The following CFDP1 variants were observed in gnomAD, a reference collection of about 807,000 sequenced individuals.
The protein encoded by CFDP1 is chromatin remodeling protein CFDP1.
In CFDP1, 31 loss-of-function variants were observed where a neutral mutation model predicts 40.1. The observed-to-expected ratio is 0.77, with a 90% CI of 0.58 to 1.04. The LOEUF is 1.04. Among genes scored for constraint, CFDP1 ranks in the 50% least tolerant of loss-of-function variants. The pLI, the probability that CFDP1 is intolerant of heterozygous loss-of-function variation, is 0.00. For missense variants in CFDP1, 423 were observed against 343.4 expected (o/e 1.23, Z -1.83); for synonymous variants, 167 against 120.0 (o/e 1.39, Z -2.56).
intron 6 of CFDP1, among the ~76,000 whole-genome samples, chr16:75,298,792 C>T (rs2151497528): frequency 6.6e-6 from 1 of 152,314 alleles, no homozygotes; most frequent in East Asian, 1.9e-4. Flanking sequence ...CTGCCTTCTT[C>T]CCCTATCACC....
At chr16:75,303,697 A>C (rs2078239214) in intron 6 of CFDP1, among the ~76,000 whole-genome samples, 1 of 152,140 alleles carries the variant, frequency 6.6e-6, no homozygotes. Context: ...ACTTAACGCA[A>C]GCCTTTATGT....
At chr16:75,419,011 C>T (rs906300962) in intron 1 of CFDP1, 1 of 339,970 alleles carries the variant, frequency 2.9e-6, no homozygotes, top group Non-Finnish European at 6.0e-6. Context: ...GGCATGGTGG[C>T]ACGCACCTGT....
At chr16:75,341,248 T>G (rs1460160124) in intron 5 of CFDP1, among the ~76,000 whole-genome samples, 1 of 152,218 alleles carries the variant, frequency 6.6e-6, no homozygotes, top group Non-Finnish European at 1.5e-5. Flanking sequence ...CAGCAGTAAT[T>G]GCCCACCCGT....
chr16:75,387,393 G>A lies in CFDP1; in HGVS notation c.650+7697C>T, dbSNP rs573113628. Among the ~76,000 whole-genome samples the A allele has an allele frequency of 5.9e-5, 9 of 152,204 alleles. No individual in the cohort carries two copies. In the East Asian group the frequency reaches 9.6e-4, roughly 16 times the overall value. On this transcript the variant is annotated intron_variant, in intron 5 of 6. Coordinates refer to ENST00000283882, the MANE Select transcript of CFDP1 (RefSeq NM_006324.3). ...CCTGACCTCGTGATCCACCCGCCTC[G>A]GCCTCCCAAAGTGCTGGGATTACAG...
At chr16:75,319,766 A>C (rs1403238025) in intron 5 of CFDP1, among the ~76,000 whole-genome samples, 1 of 152,114 alleles carries the variant, frequency 6.6e-6, no homozygotes, top group Non-Finnish European at 1.5e-5. Context: ...GCCACCCCTC[A>C]CAACCCAGGA....
chr16:75,342,723 T>C (rs533273074), intron 5 of CFDP1, among the ~76,000 whole-genome samples: 3 of 152,210 alleles, frequency 2.0e-5, no homozygotes, highest in Non-Finnish European at 4.4e-5. Flanking sequence ...GAATCAGCAA[T>C]CTTCCTCTTG....
At chr16:75,353,532 C>T (rs1231334734) in intron 5 of CFDP1, among the ~76,000 whole-genome samples, 3 of 151,816 alleles carry the variant, frequency 2.0e-5, no homozygotes, top group Non-Finnish European at 4.4e-5. Flanking sequence ...GAGGCCGAGG[C>T]GGGCAGATCA....
intron 1 of CFDP1, among the ~76,000 whole-genome samples, chr16:75,416,088 G>A (rs1199619770): frequency 6.6e-6 from 1 of 152,090 alleles, no homozygotes; most frequent in Non-Finnish European, 1.5e-5. Flanking sequence ...CTGACCTCAG[G>A]TGATCCAGCC....
intron 5 of CFDP1, among the ~76,000 whole-genome samples, chr16:75,329,372 G>C (rs1039959576): frequency 6.6e-6 from 1 of 152,180 alleles, no homozygotes; most frequent in Non-Finnish European, 1.5e-5. Flanking sequence ...GTGGACCCAG[G>C]ACTGAGTCAG....
chr16:75,425,489 T>C (rs1239391965), intron 1 of CFDP1, among the ~76,000 whole-genome samples: 1 of 151,722 alleles, frequency 6.6e-6, no homozygotes, highest in Non-Finnish European at 1.5e-5. Context: ...TCTCTCTACC[T>C]GATTTCAACA....
At chr16:75,406,216 A>C (rs754310012) in intron 4 of CFDP1, among the ~76,000 whole-genome samples, 1 of 152,000 alleles carries the variant, frequency 6.6e-6, no homozygotes, top group Non-Finnish European at 1.5e-5. Flanking sequence ...CTCTAAAAAA[A>C]TAAAAACGAA....
At chr16:75,322,108 G>C (rs557146333) in intron 5 of CFDP1, among the ~76,000 whole-genome samples, 2 of 152,360 alleles carry the variant, frequency 1.3e-5, no homozygotes, top group South Asian at 4.1e-4. Context: ...ACAGGCGTGA[G>C]CCACCGCGCC....
At chr16:75,300,937 G>C (rs982865913) in intron 6 of CFDP1, among the ~76,000 whole-genome samples, 1 of 152,108 alleles carries the variant, frequency 6.6e-6, no homozygotes, top group Non-Finnish European at 1.5e-5. Context: ...AGCCAGCCAG[G>C]GATTCTGGGA....
chr16:75,301,242 G>C (rs1477284229), intron 6 of CFDP1, among the ~76,000 whole-genome samples: 1 of 152,076 alleles, frequency 6.6e-6, no homozygotes, highest in Non-Finnish European at 1.5e-5. Context: ...AAGAAAATGG[G>C]GCTAGTACCT....
chr16:75,320,605 C>T (rs1213385718), intron 5 of CFDP1, among the ~76,000 whole-genome samples: 1 of 152,208 alleles, frequency 6.6e-6, no homozygotes, highest in Non-Finnish European at 1.5e-5. Context: ...TCACCCCAGA[C>T]TGTGAGAGTG....
chr16:75,299,693 G>C (rs999598468), intron 6 of CFDP1, among the ~76,000 whole-genome samples: 3 of 152,190 alleles, frequency 2.0e-5, no homozygotes, highest in Admixed American at 6.5e-5. Flanking sequence ...CCATGGTGCA[G>C]CACCTGCTCT....
chr16:75,348,001 T>C (rs568619244), intron 5 of CFDP1, among the ~76,000 whole-genome samples: 3 of 152,268 alleles, frequency 2.0e-5, no homozygotes, highest in South Asian at 4.1e-4. Flanking sequence ...TAAGGAGACA[T>C]GACAACTAAC....
intron 5 of CFDP1, among the ~76,000 whole-genome samples, chr16:75,315,420 C>T (rs900735059): frequency 4.1e-5 from 6 of 147,074 alleles, no homozygotes; most frequent in African/African-American, 1.2e-4. Context: ...AGAAATGGGG[C>T]GCTGGCATTA....
chr16:75,388,941 C>T (rs1391724809), intron 5 of CFDP1, among the ~76,000 whole-genome samples: 2 of 149,654 alleles, frequency 1.3e-5, no homozygotes, highest in Admixed American at 1.3e-4. Context: ...TTTTCCACTC[C>T]ATAGATCAAG....
Sources: gnomAD v4.1 joint callset for allele counts (sites outside exome capture counted in the v4.1 genomes callset) on GRCh38, gnomAD v4.1.1 for gene constraint, MANE v1.5 for transcripts, NCBI Gene and HGNC (gene_info 2026-07-23, HGNC 2026-07-21) for gene names.